Variants in ULK4 observed in about 807,000 individuals in gnomAD.
The protein encoded by ULK4 is inactive serine/threonine-protein kinase ULK4.
In ULK4, 133 loss-of-function variants were observed where a neutral mutation model predicts 160.6. The observed-to-expected ratio is 0.83, with a 90% CI of 0.72 to 0.96. ULK4 has a LOEUF of 0.96. Ranked by LOEUF, ULK4 falls within the 40% of genes least tolerant of loss-of-function variation. The pLI is 0.00. For missense variants in ULK4, 1,580 were observed against 1,499.5 expected (o/e 1.05, Z -0.89); for synonymous variants, 534 against 539.8 (o/e 0.99, Z 0.15).
chr3:41,306,199 C>CGTCCGGG (rs2079925539), intron 35 of ULK4, among the ~76,000 whole-genome samples: 1 of 91,252 alleles, frequency 1.1e-5, no homozygotes, highest in African/African-American at 7.3e-5. Flanking sequence ...GTCAGCCCCC[C>CGTCCGGG]ACCCCGCCCG....
At chr3:41,325,466 T>C (rs2080322662) in intron 35 of ULK4, among the ~76,000 whole-genome samples, 1 of 152,218 alleles carries the variant, frequency 6.6e-6, no homozygotes, top group Non-Finnish European at 1.5e-5. Context: ...ACACATACTT[T>C]TGATGCAAAC....
chr3:41,886,865 G>A (rs779680761), intron 16 of ULK4, among the ~76,000 whole-genome samples: 2 of 152,106 alleles, frequency 1.3e-5, no homozygotes, highest in Admixed American at 6.5e-5. Context: ...GAGCCACCGC[G>A]CCCAGCCTGG....
At chr3:41,347,190 C>G (rs2080818275) in intron 35 of ULK4, among the ~76,000 whole-genome samples, 1 of 152,216 alleles carries the variant, frequency 6.6e-6, no homozygotes, top group Non-Finnish European at 1.5e-5. Flanking sequence ...CGCATTGCAG[C>G]AGCTTTAAAG....
At chr3:41,574,374 T>A (rs773400154) in intron 31 of ULK4, among the ~76,000 whole-genome samples, 2 of 151,914 alleles carry the variant, frequency 1.3e-5, no homozygotes, top group Non-Finnish European at 2.9e-5. Flanking sequence ...AGCCACAAAG[T>A]ACCCTCGAAT....
At chr3:41,911,249 G>T in intron 11 of ULK4, 68 bp downstream of exon 11, 1 of 1,473,632 alleles carries the variant, frequency 6.8e-7, no homozygotes, top group South Asian at 1.2e-5. Context: ...TTTGCACCAA[G>T]ATAGCAGATG....
At chr3:41,816,421 A>T (rs765488206) in intron 19 of ULK4, among the ~76,000 whole-genome samples, 1 of 152,204 alleles carries the variant, frequency 6.6e-6, no homozygotes, top group Non-Finnish European at 1.5e-5. Flanking sequence ...CAAGTTTAAG[A>T]CTTCACAAGC....
chr3:41,770,569 G>A (rs1382772731), intron 21 of ULK4, among the ~76,000 whole-genome samples: 1 of 150,450 alleles, frequency 6.6e-6, no homozygotes, highest in Non-Finnish European at 1.5e-5. Flanking sequence ...GAGTGCAGTG[G>A]AGCAATCCTG....
intron 34 of ULK4, among the ~76,000 whole-genome samples, chr3:41,440,107 T>C (rs752982090): frequency 3.3e-5 from 5 of 152,228 alleles, no homozygotes; most frequent in Admixed American, 6.5e-5. Flanking sequence ...GTTGATTCAA[T>C]TGAATTTTCA....
intron 21 of ULK4, among the ~76,000 whole-genome samples, chr3:41,784,750 T>G (rs756438689): frequency 6.6e-6 from 1 of 152,182 alleles, no homozygotes; most frequent in Non-Finnish European, 1.5e-5. Flanking sequence ...CAGATGACAA[T>G]GTGAACTGAA....
At chr3:41,879,943 C>A (rs1486553848) in intron 17 of ULK4, among the ~76,000 whole-genome samples, 1 of 151,992 alleles carries the variant, frequency 6.6e-6, no homozygotes, top group Non-Finnish European at 1.5e-5. Context: ...ATGGTGAAAC[C>A]CCATCTCTAC....
intron 17 of ULK4, among the ~76,000 whole-genome samples, chr3:41,872,784 A>T (rs1343570454): frequency 6.7e-6 from 1 of 150,260 alleles, no homozygotes; most frequent in Non-Finnish European, 1.5e-5. Flanking sequence ...TACATGAATA[A>T]AATTGAAAAA....
chr3:41,782,295 T>C (rs939806074), intron 21 of ULK4, among the ~76,000 whole-genome samples: 2 of 152,136 alleles, frequency 1.3e-5, no homozygotes, highest in African/African-American at 4.8e-5. Flanking sequence ...TCTGTTCTTG[T>C]CCTGTTTAGA....
intron 22 of ULK4, among the ~76,000 whole-genome samples, chr3:41,740,490 G>T (rs1559520383): frequency 6.6e-6 from 1 of 151,812 alleles, no homozygotes. Context: ...ATATGAGTAT[G>T]AAGCCATTTG....
At chr3:41,627,232 G>A (rs1242100572) in intron 30 of ULK4, among the ~76,000 whole-genome samples, 2 of 152,118 alleles carry the variant, frequency 1.3e-5, no homozygotes, top group African/African-American at 2.4e-5. Context: ...AGAAGGGAGA[G>A]GTAAATAAAG....
At chr3:41,543,965 T>G (rs972798237) in intron 32 of ULK4, among the ~76,000 whole-genome samples, 8 of 152,180 alleles carry the variant, frequency 5.3e-5, no homozygotes, top group Non-Finnish European at 1.0e-4. Context: ...TTTCCTGCAG[T>G]TCTTTGCACA....
At chr3:41,539,476 C>A (rs992086356) in intron 32 of ULK4, among the ~76,000 whole-genome samples, 11 of 152,136 alleles carry the variant, frequency 7.2e-5, no homozygotes, top group African/African-American at 2.7e-4. Context: ...TACTCTCCAA[C>A]ACTACTACCA....
At chr3:41,528,779 AC>A (rs1288189073) in intron 32 of ULK4, among the ~76,000 whole-genome samples, 7 of 152,190 alleles carry the variant, frequency 4.6e-5, no homozygotes, top group African/African-American at 1.7e-4. Flanking sequence ...TTTTCCAGTT[AC>A]CCAGTTTTGT....
intron 2 of ULK4, among the ~76,000 whole-genome samples, chr3:41,948,121 TG>T (rs1443230294): frequency 1.3e-5 from 2 of 152,168 alleles, no homozygotes; most frequent in Non-Finnish European, 2.9e-5. Flanking sequence ...ATGTATTTCT[TG>T]TTCCATTAGT....
At chr3:41,642,461 T>A (rs530856300) in intron 30 of ULK4, among the ~76,000 whole-genome samples, 182 of 152,262 alleles carry the variant, frequency 1.2e-3, no homozygotes, top group Non-Finnish European at 2.1e-3. Context: ...GTCCTTGCCA[T>A]AGTTTACTGA....
Sources: allele counts gnomAD v4.1 joint callset (sites outside exome capture counted in the v4.1 genomes callset), GRCh38; gene constraint gnomAD v4.1.1; transcripts MANE v1.5; gene names NCBI Gene and HGNC (gene_info 2026-07-23, HGNC 2026-07-21).